The following SIPA1L2 variants were observed in gnomAD, a reference collection of about 807,000 sequenced individuals.
SIPA1L2 encodes signal induced proliferation associated 1 like 2.
Under a neutral mutation model 163.9 loss-of-function variants are expected in SIPA1L2, and 56 were observed. The observed-to-expected ratio is 0.34, with a 90% CI of 0.28 to 0.43. The LOEUF (loss-of-function observed/expected upper bound fraction) is 0.43, where lower values mean the gene tolerates loss of function less well. Ranked by LOEUF, SIPA1L2 falls within the 20% of genes least tolerant of loss-of-function variation. The pLI is 1.00. For synonymous variants in SIPA1L2, 877 were observed against 865.7 expected (o/e 1.01, Z -0.23); for missense variants, 1,974 against 2,193.5 (o/e 0.90, Z 2.00).
intron 1 of SIPA1L2, among the ~76,000 whole-genome samples, chr1:232,606,401 CAT>C (rs1460096183): frequency 1.3e-5 from 2 of 152,034 alleles, no homozygotes; most frequent in African/African-American, 2.4e-5. Context: ...GCTAAAAAGA[CAT>C]AGAAGTTATC....
intron 3 of SIPA1L2, among the ~76,000 whole-genome samples, 174 bp from the exon 4 acceptor site, chr1:232,493,834 T>G (rs1184770058): frequency 3.9e-5 from 6 of 152,230 alleles, no homozygotes; most frequent in Admixed American, 3.3e-4. Context: ...GATGCACGCC[T>G]ACATCTCATT....
At chr1:232,455,941 G>T (rs1663887103) in intron 10 of SIPA1L2, among the ~76,000 whole-genome samples, 1 of 152,002 alleles carries the variant, frequency 6.6e-6, no homozygotes, top group Non-Finnish European at 1.5e-5. Context: ...TAGACACTAG[G>T]GCTTATTGAG....
intron 1 of SIPA1L2, among the ~76,000 whole-genome samples, chr1:232,588,675 A>C: frequency 6.6e-6 from 1 of 152,174 alleles, no homozygotes; most frequent in Non-Finnish European, 1.5e-5. Context: ...TTCCAACTAC[A>C]AACCTGTGTG....
chr1:232,583,188 A>G (rs894212301), intron 1 of SIPA1L2, among the ~76,000 whole-genome samples: 2 of 152,338 alleles, frequency 1.3e-5, no homozygotes, highest in Non-Finnish European at 2.9e-5. Flanking sequence ...AATTTGTAAA[A>G]CATTACAAAT....
chr1:232,623,320 T>C (rs1283238897), intron 1 of SIPA1L2, among the ~76,000 whole-genome samples: 4 of 152,174 alleles, frequency 2.6e-5, no homozygotes, highest in Non-Finnish European at 5.9e-5. Flanking sequence ...AACAGCTGAG[T>C]TCAGAACAGG....
At chr1:232,437,230 T>C (rs1662617722) in intron 15 of SIPA1L2, among the ~76,000 whole-genome samples, 1 of 152,198 alleles carries the variant, frequency 6.6e-6, no homozygotes, top group Admixed American at 6.5e-5. Context: ...CAATGACATC[T>C]GTCCAAAAAG....
intron 8 of SIPA1L2, among the ~76,000 whole-genome samples, chr1:232,466,033 A>G (rs1047103731): frequency 1.3e-5 from 2 of 152,100 alleles, no homozygotes; most frequent in African/African-American, 4.8e-5. Context: ...TAAGCCACCT[A>G]GCCTGTGGCA....
At chr1:232,462,448 TCAC>T in intron 9 of SIPA1L2, 1 of 1,250,322 alleles carries the variant, frequency 8.0e-7, no homozygotes, top group East Asian at 2.6e-5. Flanking sequence ...GGTTCATGTA[TCAC>T]CACTGTGTCT....
intron 19 of SIPA1L2, among the ~76,000 whole-genome samples, chr1:232,412,143 A>G (rs1013645028): frequency 6.6e-6 from 1 of 152,188 alleles, no homozygotes; most frequent in Non-Finnish European, 1.5e-5. Flanking sequence ...TAAAATCTAA[A>G]TTCTTAAACT....
At chr1:232,571,440 T>C (rs2102775392) in intron 2 of SIPA1L2, among the ~76,000 whole-genome samples, 1 of 152,368 alleles carries the variant, frequency 6.6e-6, no homozygotes, top group East Asian at 1.9e-4. Flanking sequence ...GGAATGAGAC[T>C]GCAGGAGAGA....
At chr1:232,536,512 C>G (rs1573044371) in intron 2 of SIPA1L2, among the ~76,000 whole-genome samples, 1 of 152,276 alleles carries the variant, frequency 6.6e-6, no homozygotes, top group Non-Finnish European at 1.5e-5. Context: ...GTATGTGACA[C>G]CAGTGATGCA....
intron 3 of SIPA1L2, among the ~76,000 whole-genome samples, chr1:232,501,841 G>C (rs1483497586): frequency 6.6e-6 from 1 of 152,184 alleles, no homozygotes; most frequent in African/African-American, 2.4e-5. Context: ...ACCCATGATG[G>C]GGGACGCAGG....
chr1:232,455,566 A>G (rs1165107940), intron 10 of SIPA1L2, among the ~76,000 whole-genome samples: 2 of 152,034 alleles, frequency 1.3e-5, no homozygotes, highest in East Asian at 3.9e-4. Context: ...CTGTAGGCCC[A>G]GCTACTCGGA....
At chr1:232,515,959 A>G (rs1397353237) in intron 2 of SIPA1L2, among the ~76,000 whole-genome samples, 2 of 152,234 alleles carry the variant, frequency 1.3e-5, no homozygotes, top group East Asian at 3.8e-4. Flanking sequence ...ACTGACTTCA[A>G]GTTCCTCTAA....
chr1:232,628,401 A>T (rs1480311444), intron 1 of SIPA1L2, among the ~76,000 whole-genome samples: 1 of 152,256 alleles, frequency 6.6e-6, no homozygotes, highest in Non-Finnish European at 1.5e-5. Context: ...ATACTCTCTT[A>T]TAACTCTGAA....
chr1:232,451,671 G>C (rs1195751870), intron 10 of SIPA1L2, among the ~76,000 whole-genome samples: 1 of 152,098 alleles, frequency 6.6e-6, no homozygotes, highest in Admixed American at 6.5e-5. Flanking sequence ...CAAGTCAATG[G>C]ATGGAAACTG....
chr1:232,481,909 C>A (rs1032051209), intron 6 of SIPA1L2, among the ~76,000 whole-genome samples: 1 of 152,154 alleles, frequency 6.6e-6, no homozygotes, highest in South Asian at 2.1e-4. Flanking sequence ...AGTCTTCTAA[C>A]CAGAACTAAA....
chr1:232,521,409 C>T (rs1343529816), intron 2 of SIPA1L2, among the ~76,000 whole-genome samples: 2 of 152,196 alleles, frequency 1.3e-5, no homozygotes, highest in Non-Finnish European at 2.9e-5. Flanking sequence ...TTAGTCTCCA[C>T]AAGAAACCCA....
intron 3 of SIPA1L2, among the ~76,000 whole-genome samples, chr1:232,503,333 G>T (rs953166902): frequency 6.6e-6 from 1 of 152,162 alleles, no homozygotes; most frequent in African/African-American, 2.4e-5. Context: ...AATAATTTTA[G>T]CTCACAGGGA....
Sources: gnomAD v4.1 joint callset for allele counts (sites outside exome capture counted in the v4.1 genomes callset) on GRCh38, gnomAD v4.1.1 for gene constraint, MANE v1.5 for transcripts, NCBI Gene and HGNC (gene_info 2026-07-23, HGNC 2026-07-21) for gene names.